The following ACVR1 variants were observed in gnomAD, a reference collection of about 807,000 sequenced individuals.
ACVR1 encodes the protein activin A receptor type 1.
Under a neutral mutation model 57.1 loss-of-function variants are expected in ACVR1, and 38 were observed. That is an observed-to-expected ratio of 0.67 (90% CI 0.51 to 0.87). The LOEUF is 0.87. Among genes scored for constraint, ACVR1 ranks in the 40% least tolerant of loss-of-function variants. The probability of loss-of-function intolerance (pLI) is 0.00; values close to 1 mark genes in which losing one functional copy is unlikely to be tolerated. For synonymous variants in ACVR1, 212 were observed against 228.1 expected (o/e 0.93, Z 0.63); for missense variants, 463 against 638.2 (o/e 0.73, Z 2.96).
At chr2:157,748,137 C>T (rs796424686) in intron 9 of ACVR1, among the ~76,000 whole-genome samples, 3 of 152,266 alleles carry the variant, frequency 2.0e-5, no homozygotes, top group African/African-American at 7.2e-5. Context: ...TGACTTCCAA[C>T]TGACTACTAT....
At chr2:157,809,213 A>G (rs1687663054) in intron 2 of ACVR1, among the ~76,000 whole-genome samples, 1 of 152,268 alleles carries the variant, frequency 6.6e-6, no homozygotes, top group Non-Finnish European at 1.5e-5. Flanking sequence ...ACTCTAAATA[A>G]TGGAATCACT....
chr2:157,870,705 C>A (rs997459162), intron 1 of ACVR1, among the ~76,000 whole-genome samples: 3 of 152,074 alleles, frequency 2.0e-5, no homozygotes, highest in African/African-American at 7.2e-5. Context: ...GTGAGATATT[C>A]TTCTCAAAAA....
In ACVR1 at chr2:157,765,916, T is replaced by C; in HGVS notation, c.1066+5A>G. 2 of 1,613,964 alleles carry C rather than the reference T, an allele frequency of 1.2e-6. No homozygotes were observed. The highest frequency in any genetic ancestry group is 1.7e-6 in the Non-Finnish European group (2 of 1,179,962). On this transcript the variant is annotated splice_donor_5th_base_variant and intron_variant, in intron 8 of 10. Transcript: ENST00000434821. Reference sequence around the variant, plus strand: ...GTGAGGAAAAAAATATTTTTAGAAATTTACCCAAATCTGCTATGCAACACT... The same window carrying C: ...GTGAGGAAAAAAATATTTTTAGAAACTTACCCAAATCTGCTATGCAACACT...
chr2:157,820,732 G>A (rs981395839), intron 1 of ACVR1, among the ~76,000 whole-genome samples: 7 of 151,994 alleles, frequency 4.6e-5, no homozygotes, highest in African/African-American at 1.7e-4. Flanking sequence ...ATATTTCCCA[G>A]ATCTTTCTAA....
chr2:157,838,267 G>A (rs1326693264), intron 1 of ACVR1: 2 of 152,056 alleles, frequency 1.3e-5, no homozygotes, highest in African/African-American at 4.8e-5. Flanking sequence ...TCTCTGAAAC[G>A]CTATTCGCTT....
rs1021528639 is a variant in ACVR1 at position 157,853,973 on chromosome 2, C to A, written c.-183+21823G>T. 2.0e-5 allele frequency among the ~76,000 whole-genome samples: 3 copies of A among 152,146 alleles called. No individual in the cohort carries two copies. The South Asian group carries it at 6.2e-4, about 32-fold the overall frequency. On this transcript the variant is annotated intron_variant, in intron 1 of 10. Coordinates refer to ENST00000434821, the MANE Select transcript of ACVR1 (RefSeq NM_001111067.4). ...CTCCCTAACGCAGGTTAAGTTTCCCCCTCTGGGTCACTGCTGTACATTGTG... is the reference window on the plus strand; with the variant it reads ...CTCCCTAACGCAGGTTAAGTTTCCCACTCTGGGTCACTGCTGTACATTGTG...
At chr2:157,751,426 A>T (rs1685187963) in intron 9 of ACVR1, among the ~76,000 whole-genome samples, 2 of 152,322 alleles carry the variant, frequency 1.3e-5, no homozygotes, top group South Asian at 2.1e-4. Flanking sequence ...CTGTGTAAAA[A>T]TTCTAACCGA....
intron 3 of ACVR1, among the ~76,000 whole-genome samples, chr2:157,795,376 GAA>G (rs1687068083): frequency 9.1e-6 from 1 of 109,454 alleles, no homozygotes; most frequent in African/African-American, 3.6e-5. Context: ...GCCTTCCATA[GAA>G]CACACACACA....
intron 3 of ACVR1, among the ~76,000 whole-genome samples, chr2:157,795,849 A>G (rs1341563812): frequency 6.6e-6 from 1 of 151,460 alleles, no homozygotes; most frequent in Non-Finnish European, 1.5e-5. Flanking sequence ...CTCATACTAC[A>G]TTTCCACTTC....
chr2:157,737,475 T>A lies in ACVR1; in HGVS notation c.*56A>T, dbSNP rs1684577173. On this transcript the variant is annotated 3_prime_UTR_variant, in exon 11 of 11. Transcript: ENST00000434821. The stretch of plus-strand genomic sequence containing the variant: ...GACAACCAGTCAGGCCAGCATTAGG[T>A]CCCAGCTGGACAATGACAACAACGT... The A allele has an allele frequency of 6.2e-7, 1 of 1,600,896 alleles. No individual in the cohort carries two copies. The highest frequency in any genetic ancestry group is 2.2e-5 in the East Asian group (1 of 44,496).
At chr2:157,792,699 G>A (rs1686963543) in intron 3 of ACVR1, among the ~76,000 whole-genome samples, 1 of 152,176 alleles carries the variant, frequency 6.6e-6, no homozygotes, top group Admixed American at 6.5e-5. Flanking sequence ...GTCTTTTCAA[G>A]TGAAATAAAA....
chr2:157,764,078 C>G (rs1275553943), intron 8 of ACVR1, among the ~76,000 whole-genome samples: 1 of 152,172 alleles, frequency 6.6e-6, no homozygotes, highest in Non-Finnish European at 1.5e-5. Flanking sequence ...GAAGCTACAA[C>G]TTGAATCCTT....
At chr2:157,775,366 T>C (rs1686240736) in intron 5 of ACVR1, among the ~76,000 whole-genome samples, 1 of 152,230 alleles carries the variant, frequency 6.6e-6, no homozygotes, top group South Asian at 2.1e-4. Context: ...GTATCAGGCA[T>C]AGATTATCTG....
chr2:157,872,838 G>C (rs557138790), intron 1 of ACVR1, among the ~76,000 whole-genome samples: 67 of 152,232 alleles, frequency 4.4e-4, no homozygotes, highest in African/African-American at 1.5e-3. Context: ...CAGCACCTAT[G>C]AACCCATCAC....
At chr2:157,761,128 A>T (rs761654323) in intron 8 of ACVR1, 51 bp from the exon 9 acceptor site, 2 of 1,588,154 alleles carry the variant, frequency 1.3e-6, no homozygotes, top group Admixed American at 1.7e-5. Flanking sequence ...TTCTCATAAG[A>T]GGCTGCTGAA....
chr2:157,785,355 T>C (rs887115248), intron 3 of ACVR1, among the ~76,000 whole-genome samples: 3 of 152,252 alleles, frequency 2.0e-5, no homozygotes, highest in Non-Finnish European at 4.4e-5. Context: ...ATATGAGGTT[T>C]ATAGATTATA....
chr2:157,846,650 G>A (rs1440965802), intron 1 of ACVR1, among the ~76,000 whole-genome samples: 1 of 152,168 alleles, frequency 6.6e-6, no homozygotes, highest in Admixed American at 6.5e-5. Flanking sequence ...AACAATTTAA[G>A]AATAAACTGA....
At chr2:157,776,613 G>A (rs1302304959) in intron 5 of ACVR1, among the ~76,000 whole-genome samples, 1 of 152,196 alleles carries the variant, frequency 6.6e-6, no homozygotes, top group Non-Finnish European at 1.5e-5. Context: ...CCAAAAAGTG[G>A]CCCAGTGATG....
At chr2:157,764,531 T>C (rs938103985) in intron 8 of ACVR1, among the ~76,000 whole-genome samples, 2 of 151,938 alleles carry the variant, frequency 1.3e-5, no homozygotes, top group African/African-American at 4.8e-5. Flanking sequence ...TATGCAAGTT[T>C]CTAACAACGC....
Sources: allele counts gnomAD v4.1 joint callset (sites outside exome capture counted in the v4.1 genomes callset), GRCh38; gene constraint gnomAD v4.1.1; transcripts MANE v1.5; gene names NCBI Gene and HGNC (gene_info 2026-07-23, HGNC 2026-07-21).